Variants in SH3KBP1 observed in about 807,000 individuals in gnomAD.
SH3KBP1 encodes the protein SH3 domain-containing kinase-binding protein 1.
Under a neutral mutation model 50.1 loss-of-function variants are expected in SH3KBP1, and 8 were observed. The ratio of observed to expected loss-of-function variants is 0.16; its 90% CI spans 0.09 to 0.29. The LOEUF (loss-of-function observed/expected upper bound fraction) is 0.29, where lower values mean the gene tolerates loss of function less well. Ranked by LOEUF, SH3KBP1 falls within the 10% of genes least tolerant of loss-of-function variation. The pLI, the probability that SH3KBP1 is intolerant of heterozygous loss-of-function variation, is 1.00. For missense variants in SH3KBP1, 377 were observed against 535.2 expected, an observed-to-expected ratio of 0.70 and a Z score of 2.92; for synonymous variants, 227 against 218.6, an observed-to-expected ratio of 1.04 and a Z score of -0.34.
At chrX:19,643,322 A>AT (rs1237715100) in intron 7 of SH3KBP1, among the ~76,000 whole-genome samples, 377 of 72,116 alleles carry the variant, frequency 5.2e-3, no homozygotes, top group Middle Eastern at 0.039. Context: ...TTTTTTTTTT[A>AT]TTTTTTTTTT....
chrX:19,712,343 G>C (rs766124787), intron 3 of SH3KBP1, among the ~76,000 whole-genome samples: 1 of 111,722 alleles, frequency 9.0e-6, no homozygotes, highest in African/African-American at 3.3e-5. Flanking sequence ...GGGACAATAC[G>C]GTATGTACTG....
chrX:19,664,740 A>C (rs770666398), intron 6 of SH3KBP1: 3 of 112,172 alleles, frequency 2.7e-5, no homozygotes, highest in Non-Finnish European at 5.6e-5. Context: ...GATTACTTCC[A>C]TGTGTGGGCA....
At chrX:19,690,183 CTGAG>C (rs1042754161) in intron 5 of SH3KBP1, among the ~76,000 whole-genome samples, 1 of 109,828 alleles carries the variant, frequency 9.1e-6, no homozygotes, top group African/African-American at 3.3e-5. Flanking sequence ...CCTCAGCCTC[CTGAG>C]TATCTGGGAC....
intron 8 of SH3KBP1, among the ~76,000 whole-genome samples, chrX:19,630,994 C>T (rs1481736208): frequency 9.0e-6 from 1 of 111,664 alleles, no homozygotes; most frequent in East Asian, 2.8e-4. Flanking sequence ...CCCTTCCCTG[C>T]ATCCTCCACC....
At chrX:19,636,295 T>C (rs1166193001) in intron 7 of SH3KBP1, among the ~76,000 whole-genome samples, 1 of 108,458 alleles carries the variant, frequency 9.2e-6, no homozygotes, top group Non-Finnish European at 1.9e-5. Context: ...TGTCTTAGAG[T>C]CCTTTAAGAA....
intron 3 of SH3KBP1, among the ~76,000 whole-genome samples, chrX:19,731,169 C>A (rs2064366197): frequency 8.9e-6 from 1 of 111,887 alleles, no homozygotes; most frequent in East Asian, 2.8e-4. Flanking sequence ...GAACTCCTGA[C>A]CTCAGGTAAT....
chrX:19,811,142 G>A (rs767964751), intron 2 of SH3KBP1, among the ~76,000 whole-genome samples: 4 of 111,090 alleles, frequency 3.6e-5, no homozygotes, highest in Non-Finnish European at 7.5e-5. Context: ...AAACTTGTGC[G>A]CACACTCACG....
intron 2 of SH3KBP1, among the ~76,000 whole-genome samples, chrX:19,755,727 A>T (rs1441523677): frequency 8.9e-6 from 1 of 112,297 alleles, no homozygotes; most frequent in Non-Finnish European, 1.9e-5. Context: ...TAGGAACCAG[A>T]CCTGAAACTA....
chrX:19,674,288 C>T (rs962393550), intron 6 of SH3KBP1, among the ~76,000 whole-genome samples: 9 of 111,412 alleles, frequency 8.1e-5, no homozygotes, highest in Non-Finnish European at 1.7e-4. Context: ...AAAAAAAAAC[C>T]GCACTTACTA....
chrX:19,541,327 C>T (rs374184460), intron 16 of SH3KBP1, among the ~76,000 whole-genome samples: 2 of 111,983 alleles, frequency 1.8e-5, no homozygotes, highest in East Asian at 5.6e-4. Flanking sequence ...AAAGTGCTCC[C>T]TGAGGATTAG....
chrX:19,611,976 A>C (rs1288359299), intron 8 of SH3KBP1, among the ~76,000 whole-genome samples: 2 of 108,573 alleles, frequency 1.8e-5, no homozygotes, highest in East Asian at 2.8e-4. Flanking sequence ...AAAAAAAAAA[A>C]AACAAGAAAA....
chrX:19,580,712 C>A (rs921022498), intron 12 of SH3KBP1, among the ~76,000 whole-genome samples: 1 of 111,506 alleles, frequency 9.0e-6, no homozygotes, highest in African/African-American at 3.3e-5. Flanking sequence ...GTGAGCACTG[C>A]TGATCAGTAG....
At chrX:19,796,283 T>C (rs1383258272) in intron 2 of SH3KBP1, among the ~76,000 whole-genome samples, 1 of 112,020 alleles carries the variant, frequency 8.9e-6, no homozygotes, top group Non-Finnish European at 1.9e-5. Context: ...GCAACCTATG[T>C]GCTTAGGAAC....
rs749612995 is a variant in SH3KBP1 at position 19,547,258 on chromosome X, G to C, written c.1495-1208C>G. On this transcript the variant is annotated intron_variant, in intron 14 of 17. Coordinates refer to ENST00000397821, the MANE Select transcript of SH3KBP1 (RefSeq NM_031892.3). The stretch of plus-strand genomic sequence containing the variant: ...TTTAGAACAAAGCAAATTAAAATAA[G>C]AGTTCCTATAGCAAGGAATCCTTTA... Among the ~76,000 whole-genome samples the C allele has an allele frequency of 4.9e-4, 55 of 111,557 alleles. No individual in the cohort carries two copies. The Middle Eastern group carries it at 0.014, about 29-fold the overall frequency.
intron 1 of SH3KBP1, among the ~76,000 whole-genome samples, chrX:19,839,608 C>T (rs781258040): frequency 2.3e-4 from 26 of 112,533 alleles, no homozygotes; most frequent in Admixed American, 7.5e-4. Context: ...CAGGCGTGAG[C>T]GACCACCCTG....
intron 8 of SH3KBP1, among the ~76,000 whole-genome samples, chrX:19,614,270 C>T (rs1408882225): frequency 1.8e-5 from 2 of 112,959 alleles, no homozygotes; most frequent in East Asian, 2.8e-4. Context: ...CGAAGTGCTC[C>T]ACACAGCTGA....
intron 2 of SH3KBP1, among the ~76,000 whole-genome samples, chrX:19,807,984 G>T (rs2067099999): frequency 2.7e-5 from 3 of 111,784 alleles, no homozygotes. Context: ...GAGGTTTGTT[G>T]TTCCTATGAA....
At position 19,695,635 on chromosome X, in the gene SH3KBP1, T is replaced by C. The variant is rs2063398210; in HGVS notation, c.497A>G (p.Gln166Arg). The C allele has an allele frequency of 8.3e-7, 1 of 1,210,091 alleles. No homozygotes were observed. Among genetic ancestry groups the C allele is most frequent in the African/African-American group, 1.7e-5 (1 of 57,351 alleles). ...SGESDELGIS[Q>R]DEQLSKSSLR... ...ACTTGACTTGGATAGCTGCTCATCCTGGGAAATGCCAAGCTCATCCGACTC... is the reference window on the plus strand; with the variant it reads ...ACTTGACTTGGATAGCTGCTCATCCCGGGAAATGCCAAGCTCATCCGACTC... Residue 166 changes from glutamine to arginine, a missense_variant, in exon 5 of 18, where the codon CAG (glutamine) becomes CGG (arginine). Around this residue, in one of 3 missense-constraint regions of SH3KBP1, gnomAD observed 257 missense variants for 374.2 expected, o/e 0.69. Coordinates refer to ENST00000397821, the MANE Select transcript of SH3KBP1 (RefSeq NM_031892.3).
intron 13 of SH3KBP1, among the ~76,000 whole-genome samples, chrX:19,552,753 C>T (rs1289199903): frequency 9.0e-6 from 1 of 110,638 alleles, no homozygotes; most frequent in Non-Finnish European, 1.9e-5. Flanking sequence ...AACTGACTCA[C>T]CCCATCTAGG....
Sources: gnomAD v4.1 joint callset for allele counts (sites outside exome capture counted in the v4.1 genomes callset) on GRCh38, gnomAD v4.1.1 for gene constraint, gnomAD v4.1.1 regional missense constraint, MANE v1.5 for transcripts, NCBI Gene and HGNC (gene_info 2026-07-23, HGNC 2026-07-21) for gene names.